The following SUPT16H variants were observed in gnomAD, a reference collection of about 807,000 sequenced individuals.
The protein encoded by SUPT16H is FACT complex subunit SPT16.
A neutral mutation model predicts 136.2 loss-of-function variants in SUPT16H; 24 were observed. The ratio of observed to expected loss-of-function variants is 0.18; its 90% CI spans 0.13 to 0.25. The LOEUF is 0.25. Ranked by LOEUF, SUPT16H falls within the 10% of genes least tolerant of loss-of-function variation. SUPT16H has a pLI of 1.00. For missense variants in SUPT16H, 623 were observed against 1,270.2 expected, an observed-to-expected ratio of 0.49 and a Z score of 7.74; for synonymous variants, 415 against 428.2, an observed-to-expected ratio of 0.97 and a Z score of 0.38.
At chr14:21,372,830 A>T (rs927115434) in intron 2 of SUPT16H, 6 of 348,960 alleles carry the variant, frequency 1.7e-5, no homozygotes, top group Non-Finnish European at 3.3e-5. Context: ...GTCTTAAATC[A>T]CTGCTAAATC....
chr14:21,370,230 A>G (rs566332555), intron 4 of SUPT16H, 106 bp downstream of exon 4: 9 of 1,386,634 alleles, frequency 6.5e-6, no homozygotes, highest in Non-Finnish European at 8.8e-6. Context: ...AATGTAAACA[A>G]ACATACAGTT....
chr14:21,358,047 C>T lies in SUPT16H; in HGVS notation c.2415-45G>A, dbSNP rs765615249. 2.0e-6 allele frequency: 3 copies of T among 1,538,144 alleles called. No homozygotes were observed. The South Asian group carries it at 3.4e-5, about 17-fold the overall frequency. ...AAGACTGAGCTCATCACGAGAGAGACTGCTCCTACCACAACAGACAAACTT... is the reference window on the plus strand; with the variant it reads ...AAGACTGAGCTCATCACGAGAGAGATTGCTCCTACCACAACAGACAAACTT... On this transcript the variant is annotated intron_variant, in intron 20 of 25. Coordinates refer to ENST00000216297, the MANE Select transcript of SUPT16H (RefSeq NM_007192.4).
At position 21,357,370 on chromosome 14, in the gene SUPT16H, T is replaced by C; in HGVS notation, c.2491-4A>G. 1.3e-6 allele frequency: 2 copies of C among 1,573,592 alleles called. No individual in the cohort carries two copies. The highest frequency in any genetic ancestry group is 8.6e-7 in the Non-Finnish European group (1 of 1,161,322). On this transcript the variant is annotated splice_polypyrimidine_tract_variant and splice_region_variant and intron_variant, in intron 21 of 25. Transcript: ENST00000216297. ...CCAATGTCACCACAAAAGGTGGCTGTCAGGGAGAAACTGAATCATTAGCAT... is the reference window on the plus strand; with the variant it reads ...CCAATGTCACCACAAAAGGTGGCTGCCAGGGAGAAACTGAATCATTAGCAT...
At position 21,360,906 on chromosome 14, in the gene SUPT16H, A is replaced by G. The variant is rs1302830215; in HGVS notation, c.1996T>C (p.Tyr666His). 2 of 1,614,104 alleles carry G rather than the reference A, an allele frequency of 1.2e-6. No homozygotes were observed. The highest frequency in any genetic ancestry group is 1.7e-6 in the Non-Finnish European group (2 of 1,180,048). Reference sequence around the variant, plus strand: ...TTTTGGGCAATATTTGGGCGAATGTATAGATCTTTCAGTTTCGGATTACTC... The same window carrying G: ...TTTTGGGCAATATTTGGGCGAATGTGTAGATCTTTCAGTTTCGGATTACTC... The part of the protein sequence containing the change: ...NRSNPKLKDL[Y>H]IRPNIAQKRM... Residue 666 changes from tyrosine to histidine, a missense_variant, in exon 17 of 26, where the codon TAC becomes CAC. By Grantham distance (83) the Tyr-to-His change is moderately conservative. This residue lies in a region of SUPT16H where 62 missense variants were observed against 200.5 expected (regional missense o/e 0.31). Transcript: ENST00000216297.
intron 1 of SUPT16H, among the ~76,000 whole-genome samples, chr14:21,379,619 G>A (rs971561029): frequency 1.3e-5 from 2 of 151,970 alleles, no homozygotes; most frequent in Non-Finnish European, 2.9e-5. Context: ...TTGGGATGCC[G>A]AGGTGGGCGG....
chr14:21,351,670 G>C lies in SUPT16H; in HGVS notation c.*1003C>G, dbSNP rs1453222146. The C allele has an allele frequency of 1.3e-5, 2 of 155,066 alleles. No individual in the cohort carries two copies. Among genetic ancestry groups the C allele is most frequent in the East Asian group, 3.8e-4 (2 of 5,260 alleles). The allele number at this position is 155,066 out of a possible 1,614,324, so 9.6% of individuals were successfully genotyped here. On this transcript the variant is annotated 3_prime_UTR_variant, in exon 26 of 26. Coordinates refer to ENST00000216297, the MANE Select transcript of SUPT16H (RefSeq NM_007192.4). ...GACAGGTGGGTGCAGAGAACCAGAA[G>C]GGGAGGATGGCAAGATAAACTCCCC...
chr14:21,379,272 C>T (rs1360624666), intron 1 of SUPT16H, among the ~76,000 whole-genome samples: 1 of 150,758 alleles, frequency 6.6e-6, no homozygotes, highest in Non-Finnish European at 1.5e-5. Context: ...CCCATCTCTA[C>T]GAAAAATACA....
At chr14:21,358,058 A>C in intron 20 of SUPT16H, 56 bp from the exon 21 acceptor site, 1 of 1,490,116 alleles carries the variant, frequency 6.7e-7, no homozygotes, top group Admixed American at 1.7e-5. Flanking sequence ...TGCTCCTACC[A>C]CAACAGACAA....
chr14:21,376,918 C>T (rs2139417965), intron 1 of SUPT16H, among the ~76,000 whole-genome samples: 1 of 151,978 alleles, frequency 6.6e-6, no homozygotes, highest in Admixed American at 6.6e-5. Context: ...CATTTGAAGA[C>T]CTGGATTAGC....
intron 8 of SUPT16H, among the ~76,000 whole-genome samples, chr14:21,365,714 A>G (rs1387969650): frequency 6.6e-6 from 1 of 152,168 alleles, no homozygotes; most frequent in Non-Finnish European, 1.5e-5. Context: ...AATACATTTG[A>G]GAAATGTATA....
At chr14:21,366,914 A>G (rs759203910) in intron 7 of SUPT16H, among the ~76,000 whole-genome samples, 1 of 151,892 alleles carries the variant, frequency 6.6e-6, no homozygotes, top group Non-Finnish European at 1.5e-5. Flanking sequence ...AAAGTGCAGG[A>G]ATTATAGGTG....
intron 18 of SUPT16H, among the ~76,000 whole-genome samples, 182 bp downstream of exon 18, chr14:21,360,232 TG>T (rs1308672028): frequency 6.6e-6 from 1 of 152,126 alleles, no homozygotes; most frequent in Non-Finnish European, 1.5e-5. Context: ...TTCATCATGT[TG>T]GTCAGGCTGG....
chr14:21,359,955 T>G (rs926650523), intron 18 of SUPT16H, among the ~76,000 whole-genome samples: 1 of 152,246 alleles, frequency 6.6e-6, no homozygotes, highest in African/African-American at 2.4e-5. Flanking sequence ...CCCTTCTAGA[T>G]GCCAGGCCTT....
At chr14:21,354,023 T>A (rs1886377381) in intron 23 of SUPT16H, among the ~76,000 whole-genome samples, 191 bp from the exon 24 acceptor site, 1 of 152,246 alleles carries the variant, frequency 6.6e-6, no homozygotes, top group Admixed American at 6.5e-5. Flanking sequence ...ACTATTATTA[T>A]GTATTATTAC....
rs1189468427 is a variant in SUPT16H at position 21,352,798 on chromosome 14, C to T, written c.3019G>A (p.Glu1007Lys). The T allele has an allele frequency of 6.2e-7, 1 of 1,613,846 alleles. No individual in the cohort carries two copies. Among genetic ancestry groups the T allele is most frequent in the Non-Finnish European group, 8.5e-7 (1 of 1,180,014 alleles). Residue 1007 changes from glutamate (E) to lysine (K), a missense_variant, in exon 26 of 26, where the codon GAG becomes AAG. Coordinates refer to ENST00000216297, the MANE Select transcript of SUPT16H (RefSeq NM_007192.4). The part of the protein sequence containing the change: ...ARKADRESRY[E>K]EEEEQSRSMS... ...CTTCGACTTTGTTCTTCTTCTTCCT[C>T]GTAACGACTTTCTCGGTCCGCTAAA...
chr14:21,381,185 G>A (rs1460890777), intron 1 of SUPT16H, among the ~76,000 whole-genome samples: 1 of 151,898 alleles, frequency 6.6e-6, no homozygotes, highest in Admixed American at 6.6e-5. Flanking sequence ...AAAATGACAC[G>A]ATTTACTTAG....
At chr14:21,361,250 T>C in intron 15 of SUPT16H, 37 bp from the exon 16 acceptor site, 1 of 1,610,846 alleles carries the variant, frequency 6.2e-7, no homozygotes, top group East Asian at 2.2e-5. Flanking sequence ...ACATTTCTTT[T>C]TCAGGCCAGG....
At chr14:21,380,277 G>C (rs1002735213) in intron 1 of SUPT16H, among the ~76,000 whole-genome samples, 2 of 130,324 alleles carry the variant, frequency 1.5e-5, no homozygotes, top group Admixed American at 8.2e-5. Context: ...ATCCCTGACA[G>C]ATACTGATGG....
At position 21,373,281 on chromosome 14, in the gene SUPT16H, C is replaced by A. The variant is rs1337895162; in HGVS notation, c.159+57G>T. 5 of 1,315,382 alleles carry A rather than the reference C, an allele frequency of 3.8e-6. No individual in the cohort carries two copies. In the African/African-American group the frequency reaches 7.3e-5, roughly 19 times the overall value. The allele number at this position is 1,315,382 out of a possible 1,614,324, so 81.5% of individuals were successfully genotyped here. A position where few individuals can be genotyped will look rare whatever the true frequency, so the allele number is the denominator to read the frequency against. Reference sequence around the variant, plus strand: ...GTTTTAATGTGGCTACCATACTGAACAGTGCAGTAGATAATCCAACAACTC... The same window carrying A: ...GTTTTAATGTGGCTACCATACTGAAAAGTGCAGTAGATAATCCAACAACTC... On this transcript the variant is annotated intron_variant, in intron 2 of 25. Coordinates refer to ENST00000216297, the MANE Select transcript of SUPT16H (RefSeq NM_007192.4).
Sources: gnomAD v4.1 joint callset for allele counts (sites outside exome capture counted in the v4.1 genomes callset) on GRCh38, gnomAD v4.1.1 for gene constraint, gnomAD v4.1.1 regional missense constraint, MANE v1.5 for transcripts, NCBI Gene and HGNC (gene_info 2026-07-23, HGNC 2026-07-21) for gene names.